Variants in PDILT observed in about 807,000 individuals in gnomAD.
PDILT encodes the protein protein disulfide-isomerase-like protein of the testis.
PDILT carries 43 observed loss-of-function variants against 53.7 expected under a neutral mutation model. The observed-to-expected ratio is 0.80, with a 90% confidence interval of 0.63 to 1.03. The LOEUF is 1.03. Ranked by LOEUF, PDILT falls within the 50% of genes least tolerant of loss-of-function variation. The probability of loss-of-function intolerance (pLI) is 0.00; values close to 1 mark genes in which losing one functional copy is unlikely to be tolerated. For missense variants in PDILT, 727 were observed against 712.3 expected (o/e 1.02, Z -0.24); for synonymous variants, 282 against 274.2 (o/e 1.03, Z -0.28).
At chr16:20,379,075 G>A (rs1244062082) in intron 3 of PDILT, among the ~76,000 whole-genome samples, 1 of 151,750 alleles carries the variant, frequency 6.6e-6, no homozygotes, top group South Asian at 2.1e-4. Flanking sequence ...GTGCAGTGGT[G>A]TAGTCGTGGC....
intron 9 of PDILT, among the ~76,000 whole-genome samples, chr16:20,365,053 T>C (rs13336492): frequency 0.06 from 9,126 of 152,294 alleles, 593 homozygotes; most frequent in African/African-American, 0.16. Context: ...GCAATAAAAG[T>C]AGCTACTTTC....
chr16:20,374,601 T>G (rs982356744), intron 5 of PDILT, among the ~76,000 whole-genome samples: 2 of 152,140 alleles, frequency 1.3e-5, no homozygotes, highest in Non-Finnish European at 2.9e-5. Context: ...GGATTGAGCC[T>G]TGATGAACTG....
chr16:20,391,612 T>C lies in PDILT; in HGVS notation c.203-6761A>G, dbSNP rs1056984111. 2.0e-5 allele frequency among the ~76,000 whole-genome samples: 3 copies of C among 152,120 alleles called. No individual in the cohort carries two copies. In the South Asian group the frequency reaches 6.2e-4, roughly 32 times the overall value. On this transcript the variant is annotated intron_variant, in intron 2 of 11. Coordinates refer to ENST00000302451, the MANE Select transcript of PDILT (RefSeq NM_174924.2). ...GGCCAAAGGAAATCTCATTCATTCA[T>C]CTATTCATTCATTTAACATCTATGG...
chr16:20,360,429 C>T, intron 11 of PDILT, 139 bp downstream of exon 11: 1 of 812,080 alleles, frequency 1.2e-6, no homozygotes, highest in Non-Finnish European at 2.1e-6. Context: ...GTAGAGTCAC[C>T]CAACCTGGAT....
chr16:20,376,916 A>G (rs903659734), intron 3 of PDILT, among the ~76,000 whole-genome samples: 3 of 152,256 alleles, frequency 2.0e-5, no homozygotes, highest in African/African-American at 7.2e-5. Context: ...TAGGATTATC[A>G]GTTTCACATG....
At chr16:20,375,083 G>C in intron 4 of PDILT, 124 bp from the exon 5 acceptor site, 3 of 1,131,512 alleles carry the variant, frequency 2.7e-6, no homozygotes, top group East Asian at 2.4e-5. Context: ...GGTTTGCCTG[G>C]GTCACCCAAA....
Position 20,373,141 on chromosome 16 carries a change from C to T in PDILT, c.682-19G>A, listed in dbSNP as rs1440786540. Reference sequence around the variant, plus strand: ...TTTTTCCCTTGTACAAAAGGAGAAACATATTGGAGGACAGTAGCTTTCATG... The same window carrying T: ...TTTTTCCCTTGTACAAAAGGAGAAATATATTGGAGGACAGTAGCTTTCATG... On this transcript the variant is annotated intron_variant, in intron 5 of 11. Transcript: ENST00000302451. The T allele has an allele frequency of 1.3e-6, 2 of 1,587,318 alleles. No individual in the cohort carries two copies. Among genetic ancestry groups the T allele is most frequent in the South Asian group, 1.1e-5 (1 of 90,374 alleles).
chr16:20,360,404 A>G (rs1428568817), intron 11 of PDILT, among the ~76,000 whole-genome samples, 164 bp downstream of exon 11: 1 of 152,162 alleles, frequency 6.6e-6, no homozygotes, highest in African/African-American at 2.4e-5. Context: ...AGTGCCTTTG[A>G]AATAAAGGTG....
intron 7 of PDILT, among the ~76,000 whole-genome samples, chr16:20,371,155 G>A (rs936115154): frequency 2.0e-5 from 3 of 152,164 alleles, no homozygotes; most frequent in Admixed American, 2.0e-4. Context: ...TCAGCACCAT[G>A]AGGGAGAGAG....
chr16:20,362,668 C>T, intron 9 of PDILT, 86 bp from the exon 10 acceptor site: 3 of 1,311,240 alleles, frequency 2.3e-6, no homozygotes, highest in Non-Finnish European at 1.1e-6. Flanking sequence ...CGCTGTGTTC[C>T]ACTTGTGGTC....
chr16:20,389,898 G>C (rs1421186203), intron 2 of PDILT, among the ~76,000 whole-genome samples: 1 of 152,098 alleles, frequency 6.6e-6, no homozygotes, highest in East Asian at 1.9e-4. Flanking sequence ...TGCAAGGTCT[G>C]GAGGCATTTT....
At chr16:20,395,417 C>T (rs1483777689) in intron 2 of PDILT, among the ~76,000 whole-genome samples, 2 of 152,142 alleles carry the variant, frequency 1.3e-5, no homozygotes, top group African/African-American at 2.4e-5. Context: ...CTAGCTGGAA[C>T]GTGCAGTGCA....
rs9652589 is a variant in PDILT, at chr16:20,359,494, C to T, written c.1580G>A (p.Arg527Lys). 0.48 allele frequency: 776,560 copies of T among 1,612,992 alleles called. 192,390 individuals are homozygous for T. Among genetic ancestry groups the T allele is most frequent in the Non-Finnish European group, 0.51 (604,650 of 1,179,486 alleles). Residue 527 changes from arginine (R) to lysine (K), a missense_variant, in exon 12 of 12, where the codon AGG (arginine) becomes AAG (lysine). Coordinates refer to ENST00000302451, the MANE Select transcript of PDILT (RefSeq NM_174924.2). ...LAEEKEVPMM[R>K]KGLPEQQSPE... ...CGACTGCTGTTCAGGTAACCCTTTC[C>T]TCATCATAGGCACCTCCTTTTCCTC...
At chr16:20,369,312 A>G (rs2141708964) in intron 8 of PDILT, among the ~76,000 whole-genome samples, 180 bp downstream of exon 8, 1 of 152,338 alleles carries the variant, frequency 6.6e-6, no homozygotes, top group East Asian at 1.9e-4. Context: ...AAGGCTTGGG[A>G]TAGGTCAGAA....
At position 20,399,240 on chromosome 16, in the gene PDILT, A is replaced by G; in HGVS notation, c.61T>C (p.Ser21Pro). ...GAAACACCGGCGTTAACCTCTGGTG[A>G]GCTGTGGACAGCAGAGACACAAGCG... is the stretch of plus-strand genomic sequence containing the variant. Reference protein sequence around the residue: ...VAACVSAVHSSPEVNAGVSSI... With the variant: ...VAACVSAVHSPPEVNAGVSSI... The change falls in exon 2 of 12, where the codon TCA becomes CCA. Residue 21 changes from serine (S) to proline (P), a missense_variant. Transcript: ENST00000302451. 1.2e-6 allele frequency: 2 copies of G among 1,614,076 alleles called. No homozygotes were observed. The highest frequency in any genetic ancestry group is 1.7e-5 in the Admixed American group (1 of 60,026).
chr16:20,359,687 G>T (rs1036704266), intron 11 of PDILT, 120 bp from the exon 12 acceptor site: 4 of 1,005,116 alleles, frequency 4.0e-6, no homozygotes, highest in African/African-American at 1.6e-5. Flanking sequence ...TTCTGAAAGT[G>T]CCCAGAGAGA....
intron 2 of PDILT, among the ~76,000 whole-genome samples, chr16:20,385,722 T>C (rs2141612017): frequency 6.6e-6 from 1 of 152,262 alleles, no homozygotes; most frequent in South Asian, 2.1e-4. Flanking sequence ...AAGCCACTTG[T>C]ACCCCCAAAG....
intron 11 of PDILT, among the ~76,000 whole-genome samples, chr16:20,360,082 C>A (rs1403121990): frequency 6.6e-6 from 1 of 152,214 alleles, no homozygotes; most frequent in Non-Finnish European, 1.5e-5. Context: ...TCCACCCACA[C>A]CTGATGTTCT....
intron 2 of PDILT, chr16:20,390,597 T>C (rs1966596649): frequency 6.6e-6 from 1 of 152,232 alleles, no homozygotes; most frequent in Non-Finnish European, 1.5e-5. Flanking sequence ...TCTTTTGTCT[T>C]CTCTCACTAG....
Sources: gnomAD v4.1 joint callset for allele counts (sites outside exome capture counted in the v4.1 genomes callset) on GRCh38, gnomAD v4.1.1 for gene constraint, MANE v1.5 for transcripts, NCBI Gene and HGNC (gene_info 2026-07-23, HGNC 2026-07-21) for gene names.